LIPC: variants seen among roughly 807,000 people sequenced by gnomAD.
LIPC encodes the protein lipase C, hepatic type, also known as hepatic triacylglycerol lipase.
A neutral mutation model predicts 50.7 loss-of-function variants in LIPC; 44 were observed. The ratio of observed to expected loss-of-function variants is 0.87; its 90% CI spans 0.68 to 1.11. LIPC has a LOEUF of 1.11. Among genes scored for constraint, LIPC ranks in the 50% most tolerant of loss-of-function variants. The pLI, the probability that LIPC is intolerant of heterozygous loss-of-function variation, is 0.00. For synonymous variants in LIPC, 271 were observed against 256.4 expected, an observed-to-expected ratio of 1.06 and a Z score of -0.54; for missense variants, 697 against 648.2, an observed-to-expected ratio of 1.08 and a Z score of -0.82.
In LIPC at chr15:58,548,471, A is replaced by G. The variant is rs1313348552; in HGVS notation, c.950A>G (p.Lys317Arg). ...SFSQGLCLSC[K>R]KGRCNTLGYH... ...AGCCAGGGCCTGTGCCTGAGCTGCA[A>G]GAAGGGCCGCTGCAACACGCTGGGC... The change falls in exon 6 of 9, where the codon AAG becomes AGG. Residue 317 changes from lysine to arginine, a missense_variant. By Grantham distance (26) the Lys-to-Arg change is conservative. Coordinates refer to ENST00000299022, the MANE Select transcript of LIPC (RefSeq NM_000236.3). The G allele has an allele frequency of 5.6e-6, 9 of 1,612,510 alleles. No homozygotes were observed. The African/African-American group carries it at 1.1e-4, about 19-fold the overall frequency.
intron 1 of LIPC, among the ~76,000 whole-genome samples, chr15:58,514,518 T>C (rs1309142185): frequency 6.6e-6 from 1 of 152,180 alleles, no homozygotes; most frequent in Non-Finnish European, 1.5e-5. Flanking sequence ...ACCTCTTTCC[T>C]AGTAAGTATA....
chr15:58,432,009 C>G lies in LIPC; in HGVS notation c.-24C>G. The G allele has an allele frequency of 6.3e-7, 1 of 1,577,206 alleles. No individual in the cohort carries two copies. Among genetic ancestry groups the G allele is most frequent in the Non-Finnish European group, 8.7e-7 (1 of 1,146,472 alleles). The stretch of plus-strand genomic sequence containing the variant: ...TGGCTTCAGAAATTACCAAGAAAGC[C>G]TGGACCCCGGGTGAAACGGAGAAAT... On this transcript the variant is annotated 5_prime_UTR_variant, in exon 1 of 9. Coordinates refer to ENST00000299022, the MANE Select transcript of LIPC (RefSeq NM_000236.3).
chr15:58,446,692 C>G (rs774449328), intron 1 of LIPC, among the ~76,000 whole-genome samples: 4 of 152,148 alleles, frequency 2.6e-5, no homozygotes, highest in African/African-American at 4.8e-5. Flanking sequence ...GCACACCTCT[C>G]TCCCTGCTGG....
chr15:58,448,372 TG>T (rs1893776772), intron 1 of LIPC, among the ~76,000 whole-genome samples: 1 of 152,236 alleles, frequency 6.6e-6, no homozygotes, highest in Non-Finnish European at 1.5e-5. Flanking sequence ...AGCTCAGGAC[TG>T]GGGCTTTCTG....
At chr15:58,548,593 C>T (rs940589138) in intron 6 of LIPC, 21 bp downstream of exon 6, 7 of 1,581,262 alleles carry the variant, frequency 4.4e-6, no homozygotes, top group Non-Finnish European at 6.0e-6. Context: ...AGCTGGGGAG[C>T]CTTCAGAAGG....
At chr15:58,446,674 A>G (rs1416559553) in intron 1 of LIPC, among the ~76,000 whole-genome samples, 6 of 151,972 alleles carry the variant, frequency 3.9e-5, no homozygotes, top group Non-Finnish European at 8.8e-5. Flanking sequence ...GCACCCAGCT[A>G]TCTGCTTGCA....
At chr15:58,479,343 T>C (rs969866006) in intron 1 of LIPC, among the ~76,000 whole-genome samples, 14 of 152,244 alleles carry the variant, frequency 9.2e-5, no homozygotes, top group African/African-American at 3.1e-4. Context: ...AGAGTTCTAG[T>C]GTTCCTAAGA....
intron 1 of LIPC, among the ~76,000 whole-genome samples, chr15:58,507,879 G>T (rs1381038456): frequency 2.6e-5 from 4 of 152,212 alleles, no homozygotes; most frequent in Non-Finnish European, 4.4e-5. Flanking sequence ...GGCAATTTGA[G>T]GGATGGTAAA....
At chr15:58,472,807 C>T (rs1188943552) in intron 1 of LIPC, among the ~76,000 whole-genome samples, 1 of 152,104 alleles carries the variant, frequency 6.6e-6, no homozygotes, top group Non-Finnish European at 1.5e-5. Flanking sequence ...TTCACAACGG[C>T]CTTATGAGGT....
chr15:58,438,510 C>T (rs1246037810), intron 1 of LIPC, among the ~76,000 whole-genome samples: 2 of 152,200 alleles, frequency 1.3e-5, no homozygotes, highest in African/African-American at 2.4e-5. Context: ...CAGATCCCTG[C>T]CCAGCAGGCT....
intron 8 of LIPC, among the ~76,000 whole-genome samples, chr15:58,567,797 G>T (rs1894441915): frequency 6.6e-6 from 1 of 152,132 alleles, no homozygotes; most frequent in Non-Finnish European, 1.5e-5. Context: ...CTCAATATAT[G>T]TAAATGCATA....
intron 1 of LIPC, among the ~76,000 whole-genome samples, chr15:58,441,749 T>A (rs528776734): frequency 5.9e-5 from 9 of 152,334 alleles, no homozygotes; most frequent in Non-Finnish European, 1.0e-4. Flanking sequence ...TAATTATTAT[T>A]TAATATAATC....
At chr15:58,565,261 C>T in intron 8 of LIPC, 2 of 1,535,694 alleles carry the variant, frequency 1.3e-6, no homozygotes, top group Non-Finnish European at 1.7e-6. Context: ...CTCTTTGGCC[C>T]ATTGGAGCAG....
intron 6 of LIPC, among the ~76,000 whole-genome samples, chr15:58,550,344 T>A (rs1893702974): frequency 6.6e-6 from 1 of 152,016 alleles, no homozygotes; most frequent in African/African-American, 2.4e-5. Context: ...GGACATCTAC[T>A]GGGGACTTGG....
intron 8 of LIPC, among the ~76,000 whole-genome samples, chr15:58,567,423 CAT>C (rs1340059595): frequency 1.4e-5 from 2 of 147,768 alleles, no homozygotes; most frequent in Non-Finnish European, 3.0e-5. Flanking sequence ...TACATTATCA[CAT>C]GTTTAAATAT....
chr15:58,516,345 A>C (rs1447987279), intron 1 of LIPC, among the ~76,000 whole-genome samples: 2 of 140,488 alleles, frequency 1.4e-5, no homozygotes, highest in South Asian at 2.2e-4. Context: ...ATCATTGATC[A>C]TCTTGGATCT....
intron 1 of LIPC, among the ~76,000 whole-genome samples, chr15:58,520,849 A>T (rs1244263427): frequency 6.6e-6 from 1 of 152,186 alleles, no homozygotes; most frequent in Non-Finnish European, 1.5e-5. Flanking sequence ...ACAGTTTGAG[A>T]TCAGAAAAGC....
chr15:58,467,528 T>C (rs891235371), intron 1 of LIPC, among the ~76,000 whole-genome samples: 5 of 152,210 alleles, frequency 3.3e-5, no homozygotes, highest in Non-Finnish European at 7.3e-5. Context: ...GCAGAGTTTA[T>C]GATCCGGTAC....
At chr15:58,448,194 A>C (rs1303918444) in intron 1 of LIPC, among the ~76,000 whole-genome samples, 4 of 152,174 alleles carry the variant, frequency 2.6e-5, no homozygotes, top group Non-Finnish European at 4.4e-5. Context: ...GTGACTTTGG[A>C]TAAATCACTC....
Sources: allele counts gnomAD v4.1 joint callset (sites outside exome capture counted in the v4.1 genomes callset), GRCh38; gene constraint gnomAD v4.1.1; transcripts MANE v1.5; gene names NCBI Gene and HGNC (gene_info 2026-07-23, HGNC 2026-07-21).